Variants in COG7 observed in about 807,000 individuals in gnomAD.
COG7 encodes component of oligomeric golgi complex 7, also known as conserved oligomeric Golgi complex subunit 7.
In COG7, 49 loss-of-function variants were observed where a neutral mutation model predicts 91.5. The ratio of observed to expected loss-of-function variants is 0.54; its 90% confidence interval spans 0.43 to 0.68. COG7 has a LOEUF of 0.68. Ranked by LOEUF, COG7 falls within the 30% of genes least tolerant of loss-of-function variation. The pLI, the probability that COG7 is intolerant of heterozygous loss-of-function variation, is 0.00. For missense variants in COG7, 895 were observed against 961.3 expected (o/e 0.93, Z 0.91); for synonymous variants, 365 against 388.7 (o/e 0.94, Z 0.72).
At chr16:23,452,749 G>A (rs1239483919) in intron 1 of COG7, 77 bp downstream of exon 1, 3 of 1,536,180 alleles carry the variant, frequency 2.0e-6, no homozygotes, top group Admixed American at 2.0e-5. Flanking sequence ...CCACCTGAGT[G>A]CCTCACGCAA....
chr16:23,389,791 T>C (rs16940080), intron 16 of COG7: 15,042 of 152,646 alleles, frequency 0.099, 1,441 homozygotes, highest in African/African-American at 0.25. Context: ...CAGACTAGGT[T>C]GATGAGCATC....
intron 13 of COG7, among the ~76,000 whole-genome samples, chr16:23,398,532 G>A (rs554042786): frequency 2.6e-5 from 4 of 152,264 alleles, no homozygotes; most frequent in African/African-American, 9.6e-5. Flanking sequence ...TCACTACTTC[G>A]TGGGTCCTTA....
intron 9 of COG7, chr16:23,414,941 T>G (rs1963628698): frequency 6.6e-6 from 1 of 152,140 alleles, no homozygotes; most frequent in Admixed American, 6.5e-5. Context: ...GAAAGTGAAA[T>G]GTGAGGACCC....
At chr16:23,423,426 C>T (rs1274500341) in intron 7 of COG7, among the ~76,000 whole-genome samples, 1 of 152,212 alleles carries the variant, frequency 6.6e-6, no homozygotes, top group African/African-American at 2.4e-5. Context: ...CCACTACATC[C>T]ATCCCCAGGG....
chr16:23,405,427 GCT>G (rs1191952825), intron 12 of COG7, among the ~76,000 whole-genome samples: 1 of 152,068 alleles, frequency 6.6e-6, no homozygotes, highest in Non-Finnish European at 1.5e-5. Context: ...GGGCTGTCCA[GCT>G]CTGTCTGACC....
chr16:23,389,182 G>A, intron 16 of COG7, 96 bp from the exon 17 acceptor site: 1 of 1,430,622 alleles, frequency 7.0e-7, no homozygotes, highest in Non-Finnish European at 9.6e-7. Context: ...ACACAGAGAA[G>A]CTGCCCTGCC....
At chr16:23,424,314 A>T (rs1011070222) in intron 7 of COG7, among the ~76,000 whole-genome samples, 6 of 151,780 alleles carry the variant, frequency 4.0e-5, no homozygotes, top group Non-Finnish European at 7.4e-5. Flanking sequence ...AAAAAAAAAA[A>T]AAAAGCCCTT....
chr16:23,417,342 T>C (rs375873351), intron 8 of COG7: 1 of 595,992 alleles, frequency 1.7e-6, no homozygotes. Context: ...AAAAGCATGA[T>C]CGAATGTCTG....
At chr16:23,438,174 T>C (rs1964042460) in intron 4 of COG7, among the ~76,000 whole-genome samples, 1 of 151,656 alleles carries the variant, frequency 6.6e-6, no homozygotes, top group Non-Finnish European at 1.5e-5. Context: ...GGAGAAAATA[T>C]TTGCAAGATA....
At chr16:23,449,130 G>A (rs1187844919) in intron 1 of COG7, among the ~76,000 whole-genome samples, 1 of 152,042 alleles carries the variant, frequency 6.6e-6, no homozygotes, top group Admixed American at 6.6e-5. Flanking sequence ...TTGGGAGGCC[G>A]AGGCGAGTGG....
At chr16:23,392,087 G>A in intron 16 of COG7, 1 of 1,314,898 alleles carries the variant, frequency 7.6e-7, no homozygotes, top group Non-Finnish European at 9.8e-7. Context: ...AATGGAGCGG[G>A]CCAGGTGGGG....
chr16:23,396,822 C>T (rs1416399398), intron 14 of COG7, among the ~76,000 whole-genome samples: 1 of 152,096 alleles, frequency 6.6e-6, no homozygotes, highest in Non-Finnish European at 1.5e-5. Flanking sequence ...TTGATACTGC[C>T]CCAAATGAAC....
intron 14 of COG7, among the ~76,000 whole-genome samples, chr16:23,393,757 T>C (rs1963238600): frequency 6.6e-6 from 1 of 152,096 alleles, no homozygotes; most frequent in Admixed American, 6.6e-5. Flanking sequence ...TCCTGTCTTC[T>C]GAGGCCAGGC....
intron 16 of COG7, chr16:23,392,165 G>A (rs549000105): frequency 1.2e-5 from 17 of 1,440,932 alleles, no homozygotes; most frequent in Admixed American, 2.5e-5. Context: ...AGTCCTCTTC[G>A]AAAACATAGA....
chr16:23,445,247 G>C, intron 2 of COG7, 83 bp from the exon 3 acceptor site: 2 of 956,802 alleles, frequency 2.1e-6, no homozygotes, highest in Non-Finnish European at 3.4e-6. Context: ...TGTAAGTATG[G>C]TGGCTTGCTT....
At chr16:23,424,479 T>A (rs1352574308) in intron 7 of COG7, among the ~76,000 whole-genome samples, 1 of 152,038 alleles carries the variant, frequency 6.6e-6, no homozygotes, top group Admixed American at 6.6e-5. Flanking sequence ...CTCTTTTATA[T>A]CCCAAGCCCC....
intron 6 of COG7, 54 bp downstream of exon 6, chr16:23,433,491 C>T (rs771646850): frequency 1.6e-5 from 26 of 1,612,044 alleles, no homozygotes; most frequent in East Asian, 4.5e-5. Flanking sequence ...GGCAGTCACC[C>T]GTTCCCTTGT....
intron 16 of COG7, among the ~76,000 whole-genome samples, chr16:23,389,589 T>A (rs1458684486): frequency 1.3e-5 from 2 of 152,100 alleles, no homozygotes; most frequent in Non-Finnish European, 2.9e-5. Context: ...ACTGACCACT[T>A]GGAAAACCCA....
chr16:23,423,456 T>C (rs1270734000), intron 7 of COG7, among the ~76,000 whole-genome samples: 1 of 152,194 alleles, frequency 6.6e-6, no homozygotes, highest in African/African-American at 2.4e-5. Context: ...AGCCATTCCT[T>C]GCTCCACCTT....
Sources: allele counts gnomAD v4.1 joint callset (sites outside exome capture counted in the v4.1 genomes callset), GRCh38; gene constraint gnomAD v4.1.1; transcripts MANE v1.5; gene names NCBI Gene and HGNC (gene_info 2026-07-23, HGNC 2026-07-21).